The following TENM2 variants were observed in gnomAD, a reference collection of about 807,000 sequenced individuals.
TENM2 encodes teneurin transmembrane protein 2, also known as teneurin-2.
TENM2 carries 52 observed loss-of-function variants against 245.2 expected under a neutral mutation model. The observed-to-expected ratio is 0.21, with a 90% CI of 0.17 to 0.27. TENM2 has a LOEUF of 0.27. TENM2 is among the 10% of genes least tolerant of loss of function. The probability of loss-of-function intolerance (pLI) is 1.00; values close to 1 mark genes in which losing one functional copy is unlikely to be tolerated. For synonymous variants in TENM2, 1,363 were observed against 1,438.9 expected, an observed-to-expected ratio of 0.95 and a Z score of 1.19; for missense variants, 3,046 against 3,666.8, an observed-to-expected ratio of 0.83 and a Z score of 4.37.
At chr5:167,964,340 A>C (rs1781230558) in intron 4 of TENM2, among the ~76,000 whole-genome samples, 1 of 152,214 alleles carries the variant, frequency 6.6e-6, no homozygotes, top group Admixed American at 6.5e-5. Context: ...AGATCACAAA[A>C]AAGAGTCCCT....
intron 1 of TENM2, among the ~76,000 whole-genome samples, chr5:167,361,484 G>A (rs762402590): frequency 3.9e-5 from 6 of 152,116 alleles, no homozygotes; most frequent in Non-Finnish European, 8.8e-5. Flanking sequence ...TTTGTAATTT[G>A]ACATCTATCC....
chr5:167,051,272 T>C, the TENM2 span, among the ~76,000 whole-genome samples: 1 of 152,140 alleles, frequency 6.6e-6, no homozygotes, highest in Non-Finnish European at 1.5e-5. Flanking sequence ...ATGTCATCTT[T>C]GCCTGTGCCA....
At chr5:167,206,145 C>A in the TENM2 span, among the ~76,000 whole-genome samples, 5 of 152,176 alleles carry the variant, frequency 3.3e-5, no homozygotes, top group Admixed American at 2.6e-4. Flanking sequence ...TACCACAGAT[C>A]CTTATCCAGA....
chr5:167,872,314 GAAAGAAAGAA>G (rs1772911086), intron 2 of TENM2, among the ~76,000 whole-genome samples: 2 of 38,218 alleles, frequency 5.2e-5, no homozygotes, highest in African/African-American at 1.4e-4. Context: ...AAGAAAGAAA[GAAAGAAAGAA>G]AGAAAGAAAG....
In TENM2 at chr5:168,247,402, G is replaced by A. The variant is rs768129564; in HGVS notation, c.6463G>A (p.Asp2155Asn). The A allele has an allele frequency of 3.7e-6, 6 of 1,613,854 alleles. No individual in the cohort carries two copies. The highest frequency in any genetic ancestry group is 4.2e-6 in the Non-Finnish European group (5 of 1,179,882). Reference sequence around the variant, plus strand: ...CGTGATGACCCTCAGCAAACACTTCGACACCCATGGGCGGATCAAGGAGGT... The same window carrying A: ...CGTGATGACCCTCAGCAAACACTTCAACACCCATGGGCGGATCAAGGAGGT... Residue 2155 changes from aspartate (D) to asparagine (N), a missense_variant, in exon 27 of 29, where the codon GAC becomes AAC. Asp to Asn is a conservative substitution (Grantham distance 23, BLOSUM62 1). Coordinates refer to ENST00000518659, the Ensembl canonical transcript of TENM2. This position sits in a 1 kb window ranked among gnomAD's most constrained non-coding sequence, Gnocchi z 7.8.
intron 2 of TENM2, among the ~76,000 whole-genome samples, chr5:167,632,183 G>T (rs922077745): frequency 6.6e-6 from 1 of 152,122 alleles, no homozygotes; most frequent in Admixed American, 6.5e-5. Flanking sequence ...CACCTGAGAG[G>T]GCTGTAGAGG....
At chr5:167,405,034 C>G (rs567031116) in intron 2 of TENM2, among the ~76,000 whole-genome samples, 1 of 152,234 alleles carries the variant, frequency 6.6e-6, no homozygotes, top group African/African-American at 2.4e-5. Context: ...TAGAATCATG[C>G]AATATGTAGT....
At chr5:168,020,172 C>T (rs999606314) in intron 5 of TENM2, among the ~76,000 whole-genome samples, 1 of 152,084 alleles carries the variant, frequency 6.6e-6, no homozygotes, top group African/African-American at 2.4e-5. Flanking sequence ...TCATTTAGAC[C>T]TCCCCCGACC....
intron 5 of TENM2, among the ~76,000 whole-genome samples, chr5:168,000,902 A>T (rs1474422252): frequency 6.6e-6 from 1 of 151,980 alleles, no homozygotes; most frequent in African/African-American, 2.4e-5. Context: ...AAGCTCAACT[A>T]AATGGAGCTA....
intron 4 of TENM2, among the ~76,000 whole-genome samples, chr5:167,961,143 C>T (rs959486745): frequency 1.3e-5 from 2 of 152,200 alleles, no homozygotes; most frequent in South Asian, 2.1e-4. Context: ...TGTTCCTATT[C>T]GGCCATCTTG....
At chr5:167,121,246 A>G in the TENM2 span, among the ~76,000 whole-genome samples, 1 of 152,198 alleles carries the variant, frequency 6.6e-6, no homozygotes, top group Non-Finnish European at 1.5e-5. Flanking sequence ...AAGTAAGATC[A>G]TATCCAATGG....
At chr5:167,826,304 G>A (rs1046986232) in intron 2 of TENM2, among the ~76,000 whole-genome samples, 4 of 152,190 alleles carry the variant, frequency 2.6e-5, no homozygotes, top group Non-Finnish European at 4.4e-5. Context: ...CCAGCTCCCT[G>A]CCAGGTTCCC....
At chr5:167,286,460 T>A (rs1256591442) in intron 1 of TENM2, among the ~76,000 whole-genome samples, 1 of 152,090 alleles carries the variant, frequency 6.6e-6, no homozygotes, top group Non-Finnish European at 1.5e-5. Flanking sequence ...GTAGTGGCAA[T>A]TGGAAAAAAA....
At chr5:167,494,814 C>G (rs1203952750) in intron 2 of TENM2, among the ~76,000 whole-genome samples, 1 of 152,052 alleles carries the variant, frequency 6.6e-6, no homozygotes, top group Non-Finnish European at 1.5e-5. Flanking sequence ...TGAAGTTGGA[C>G]TGAACAGATG....
chr5:167,466,858 C>T (rs1766690379), intron 2 of TENM2, among the ~76,000 whole-genome samples: 1 of 152,166 alleles, frequency 6.6e-6, no homozygotes, highest in Non-Finnish European at 1.5e-5. Flanking sequence ...CGTACTAATA[C>T]TGTGTATAAG....
At chr5:167,006,151 C>T in the TENM2 span, among the ~76,000 whole-genome samples, 1 of 152,062 alleles carries the variant, frequency 6.6e-6, no homozygotes, top group Non-Finnish European at 1.5e-5. Context: ...CCTAAAATTG[C>T]ACGCACAATT....
the TENM2 span, among the ~76,000 whole-genome samples, chr5:167,029,207 G>A: frequency 6.6e-6 from 1 of 152,140 alleles, no homozygotes; most frequent in African/African-American, 2.4e-5. Flanking sequence ...TAAATCTCCC[G>A]TTGCATTATA....
intron 1 of TENM2, among the ~76,000 whole-genome samples, chr5:167,373,196 A>G (rs532234344): frequency 2.6e-5 from 4 of 152,240 alleles, no homozygotes; most frequent in Non-Finnish European, 5.9e-5. Context: ...GGGAAAGCTC[A>G]GTGTTCAGTG....
chr5:167,071,547 TA>T, the TENM2 span, among the ~76,000 whole-genome samples: 6 of 152,170 alleles, frequency 3.9e-5, no homozygotes, highest in African/African-American at 1.4e-4. Context: ...ATTTGTCTTT[TA>T]AAGACACATA....
Sources: allele counts gnomAD v4.1 joint callset (sites outside exome capture counted in the v4.1 genomes callset), GRCh38; gene constraint gnomAD v4.1.1; non-coding constraint Gnocchi (gnomAD v3.1); transcripts MANE v1.5; gene names NCBI Gene and HGNC (gene_info 2026-07-23, HGNC 2026-07-21).